The following PIAS1 variants were observed in gnomAD, a reference collection of about 807,000 sequenced individuals.
The protein encoded by PIAS1 is E3 SUMO-protein ligase PIAS1.
In PIAS1, 6 loss-of-function variants were observed where a neutral mutation model predicts 71.3. The ratio of observed to expected loss-of-function variants is 0.08; its 90% confidence interval spans 0.05 to 0.17. The LOEUF (loss-of-function observed/expected upper bound fraction) is 0.17. Among genes scored for constraint, PIAS1 ranks in the 10% least tolerant of loss-of-function variants. PIAS1 has a pLI of 1.00. For missense variants in PIAS1, 555 were observed against 793.6 expected, an observed-to-expected ratio of 0.70 and a Z score of 3.61; for synonymous variants, 303 against 292.9, an observed-to-expected ratio of 1.03 and a Z score of -0.35.
chr15:68,127,156 C>T (rs1459616717), intron 2 of PIAS1, among the ~76,000 whole-genome samples: 1 of 150,970 alleles, frequency 6.6e-6, no homozygotes, highest in Non-Finnish European at 1.5e-5. Context: ...GAACTCTTGA[C>T]CTTGTGATCT....
At chr15:68,132,486 G>A (rs1220046115) in intron 2 of PIAS1, among the ~76,000 whole-genome samples, 4 of 151,066 alleles carry the variant, frequency 2.6e-5, no homozygotes, top group Non-Finnish European at 4.4e-5. Context: ...AAAAAAAAAA[G>A]GAAACTACAA....
intron 7 of PIAS1, among the ~76,000 whole-genome samples, chr15:68,155,821 TCTTC>T (rs1442218721): frequency 2.0e-5 from 3 of 152,160 alleles, no homozygotes; most frequent in Non-Finnish European, 4.4e-5. Flanking sequence ...TTCTTTCTCC[TCTTC>T]CTTCTCCCTT....
intron 1 of PIAS1, among the ~76,000 whole-genome samples, chr15:68,059,172 T>C (rs11633928): frequency 0.47 from 71,602 of 151,526 alleles, 17,499 homozygotes; most frequent in Middle Eastern, 0.53. Flanking sequence ...GCCCCGCTAA[T>C]TTTTTTGTAC....
chr15:68,083,728 C>T (rs1373006417), intron 1 of PIAS1, among the ~76,000 whole-genome samples: 2 of 151,250 alleles, frequency 1.3e-5, no homozygotes, highest in African/African-American at 4.9e-5. Context: ...AGAACAGTAC[C>T]TGCCTGATAA....
rs1038273268 is a variant in PIAS1 at position 68,193,817 on chromosome 15, C to T, written c.*5982C>T. ...CTCACGGTAGTTAATAAAATCAATA[C>T]AAATCTTTTATTAAAGATCTACTCA... On this transcript the variant is annotated 3_prime_UTR_variant, in exon 14 of 14. Coordinates refer to ENST00000249636, the MANE Select transcript of PIAS1 (RefSeq NM_016166.3). 7.3e-6 allele frequency: 4 copies of T among 551,220 alleles called. No homozygotes were observed. In the Admixed American group the frequency reaches 1.3e-4, roughly 17 times the overall value. The allele number at this position is 551,220 out of a possible 1,614,324, so 34.1% of individuals were successfully genotyped here.
At chr15:68,075,455 T>TA (rs553686471) in intron 1 of PIAS1, among the ~76,000 whole-genome samples, 70 of 152,324 alleles carry the variant, frequency 4.6e-4, no homozygotes, top group Middle Eastern at 3.4e-3. Flanking sequence ...TCATAAAACT[T>TA]AAATTTTAAT....
At chr15:68,183,355 C>T (rs1008542933) in intron 12 of PIAS1, among the ~76,000 whole-genome samples, 12 of 152,132 alleles carry the variant, frequency 7.9e-5, no homozygotes, top group African/African-American at 2.2e-4. Context: ...GTACTATGCC[C>T]GTTTAAGGAT....
At chr15:68,176,783 A>C (rs935980570) in intron 11 of PIAS1, 129 bp downstream of exon 11, 10 of 704,610 alleles carry the variant, frequency 1.4e-5, no homozygotes, top group Admixed American at 3.2e-5. Flanking sequence ...AATAGTTTGA[A>C]TTTTTCCCAG....
At chr15:68,169,897 C>CT (rs2092980967) in intron 8 of PIAS1, among the ~76,000 whole-genome samples, 1 of 152,044 alleles carries the variant, frequency 6.6e-6, no homozygotes, top group African/African-American at 2.4e-5. Context: ...AACTGAGCCT[C>CT]TGAGTGATTA....
intron 2 of PIAS1, among the ~76,000 whole-genome samples, chr15:68,124,031 T>C (rs1430580955): frequency 2.6e-5 from 4 of 152,294 alleles, no homozygotes; most frequent in Non-Finnish European, 4.4e-5. Flanking sequence ...TGTGTACATA[T>C]GTATACACAT....
intron 2 of PIAS1, among the ~76,000 whole-genome samples, chr15:68,139,481 G>A (rs373791351): frequency 4.1e-4 from 63 of 152,234 alleles, no homozygotes; most frequent in African/African-American, 1.4e-3. Context: ...ATAAACTATT[G>A]TACTCATATG....
At position 68,103,773 on chromosome 15, in the gene PIAS1, G is replaced by A. The variant is rs4569249; in HGVS notation, c.469+17023G>A. Among the ~76,000 whole-genome samples the A allele has an allele frequency of 6.0e-3, 912 of 152,292 alleles. 10 individuals carry two copies. Among genetic ancestry groups the A allele is most frequent in the African/African-American group, 0.021 (867 of 41,556 alleles). On this transcript the variant is annotated intron_variant, in intron 2 of 13. Coordinates refer to ENST00000249636, the MANE Select transcript of PIAS1 (RefSeq NM_016166.3). ...TGTTTTCAAGTTCATAAAGTTGTAT[G>A]TGCCGAAACTTTGTTCTTTTTAATG...
At chr15:68,073,135 C>G (rs937589586) in intron 1 of PIAS1, among the ~76,000 whole-genome samples, 3 of 152,182 alleles carry the variant, frequency 2.0e-5, no homozygotes, top group African/African-American at 7.2e-5. Flanking sequence ...CCTGCCTCAG[C>G]CTCCTGAGTA....
At chr15:68,135,149 C>A (rs2092718550) in intron 2 of PIAS1, among the ~76,000 whole-genome samples, 1 of 47,414 alleles carries the variant, frequency 2.1e-5, no homozygotes, top group African/African-American at 4.4e-5. Flanking sequence ...GGGGGCTGAC[C>A]CCCCCACCTC....
At chr15:68,076,032 T>G (rs1399830067) in intron 1 of PIAS1, among the ~76,000 whole-genome samples, 1 of 152,100 alleles carries the variant, frequency 6.6e-6, no homozygotes, top group Non-Finnish European at 1.5e-5. Flanking sequence ...ATCTGCCCGC[T>G]GCCGCCTCCC....
rs1328381335 is a variant in PIAS1 at position 68,146,644 on chromosome 15, C to T, written c.772C>T (p.Leu258=). Residue 258 remains leucine (L), a synonymous_variant, in exon 6 of 14, where the codon CTG becomes TTG. Transcript: ENST00000249636. ...RPINITSLVR[L]STTVPNTIVV... The stretch of plus-strand genomic sequence containing the variant: ...AATTAATATCACCTCACTTGTCCGA[C>T]TGTCCACAACAGTACCAAACACGAT... 46 of 1,613,354 alleles carry T rather than the reference C, an allele frequency of 2.9e-5. No individual in the cohort carries two copies. The highest frequency in any genetic ancestry group is 3.6e-5 in the Non-Finnish European group (42 of 1,179,346).
intron 1 of PIAS1, among the ~76,000 whole-genome samples, chr15:68,060,469 C>G (rs770750843): frequency 4.0e-5 from 6 of 151,302 alleles, no homozygotes; most frequent in African/African-American, 1.5e-4. Flanking sequence ...AAAAATTAGC[C>G]GGGCGTGGTG....
chr15:68,132,068 A>T (rs577927402), intron 2 of PIAS1, among the ~76,000 whole-genome samples: 10 of 151,984 alleles, frequency 6.6e-5, no homozygotes, highest in Admixed American at 1.3e-4. Context: ...AAAGAAAAAA[A>T]GAAAGAAGAA....
At chr15:68,146,406 A>G (rs1177536359) in intron 5 of PIAS1, among the ~76,000 whole-genome samples, 160 bp from the exon 6 acceptor site, 1 of 152,218 alleles carries the variant, frequency 6.6e-6, no homozygotes, top group East Asian at 1.9e-4. Context: ...TGTTTGGAAA[A>G]ATAATAACAC....
Sources: allele counts gnomAD v4.1 joint callset (sites outside exome capture counted in the v4.1 genomes callset), GRCh38; gene constraint gnomAD v4.1.1; transcripts MANE v1.5; gene names NCBI Gene and HGNC (gene_info 2026-07-23, HGNC 2026-07-21).